The following SLC12A8 variants were observed in gnomAD, a reference collection of about 807,000 sequenced individuals.
The protein encoded by SLC12A8 is solute carrier family 12 member 8, also known as cation-chloride cotransporter 9.
In SLC12A8, 69 loss-of-function variants were observed where a neutral mutation model predicts 75.6. That is an observed-to-expected ratio of 0.91 (90% confidence interval 0.75 to 1.11). SLC12A8 has a LOEUF of 1.11. SLC12A8 is among the 50% of genes most tolerant of loss of function. The pLI is 0.00. For missense variants in SLC12A8, 877 were observed against 896.7 expected, an observed-to-expected ratio of 0.98 and a Z score of 0.28; for synonymous variants, 365 against 372.8, an observed-to-expected ratio of 0.98 and a Z score of 0.24.
At position 125,084,041 on chromosome 3, in the gene SLC12A8, G is replaced by C. The variant is rs200353603; in HGVS notation, c.1994C>G (p.Ser665Cys). The stretch of plus-strand genomic sequence containing the variant: ...CGCCAAGATGATCTGCTCCTGAGGG[G>C]ACCGCAAGCTCCTGCAGTGAGAGAG... Reference protein sequence around the residue: ...LLLPSCRSLRSPQEQIILAPS... With the variant: ...LLLPSCRSLRCPQEQIILAPS... The change falls in exon 14 of 14, where the codon TCC (serine) becomes TGC (cysteine). Residue 665 changes from serine (S) to cysteine (C), a missense_variant. Coordinates refer to ENST00000469902, the MANE Select transcript of SLC12A8 (RefSeq NM_024628.6). 1.4e-4 allele frequency: 231 copies of C among 1,611,384 alleles called. 2 individuals carry two copies. The Admixed American group carries it at 3.8e-3, about 26-fold the overall frequency.
intron 3 of SLC12A8, among the ~76,000 whole-genome samples, chr3:125,189,011 A>G (rs987039013): frequency 2.0e-5 from 3 of 152,238 alleles, no homozygotes; most frequent in Non-Finnish European, 4.4e-5. Context: ...TTATATGTCA[A>G]CTTGGCTAGA....
At chr3:125,119,907 A>C in intron 7 of SLC12A8, 1 of 456,670 alleles carries the variant, frequency 2.2e-6, no homozygotes, top group Non-Finnish European at 4.4e-6. Flanking sequence ...GTACAGAGAG[A>C]AACAATATTC....
Position 125,085,281 on chromosome 3 carries a change from G to A in SLC12A8, c.1983-1229C>T, listed in dbSNP as rs116126441. ...AAACCATTACATTCTTCTGAGTCTG[G>A]AGAAGTAAAATACTTCACTCTCTAG... On this transcript the variant is annotated intron_variant, in intron 13 of 13. Coordinates refer to ENST00000469902, the MANE Select transcript of SLC12A8 (RefSeq NM_024628.6). Among the ~76,000 whole-genome samples, 435 of 152,234 alleles carry A rather than the reference G, an allele frequency of 2.9e-3. 2 individuals carry two copies. The highest frequency in any genetic ancestry group is 1.0e-2 in the African/African-American group (415 of 41,538).
intron 4 of SLC12A8, among the ~76,000 whole-genome samples, chr3:125,178,509 A>G (rs1227265924): frequency 1.3e-5 from 2 of 152,212 alleles, no homozygotes; most frequent in Non-Finnish European, 2.9e-5. Flanking sequence ...AGGACTATCT[A>G]GGTGAATGTA....
chr3:125,183,048 C>T (rs753675640), intron 4 of SLC12A8, among the ~76,000 whole-genome samples: 2 of 152,048 alleles, frequency 1.3e-5, no homozygotes, highest in African/African-American at 2.4e-5. Context: ...CTTATGTTTA[C>T]GCAAAAACTA....
chr3:125,095,358 C>T (rs1338054222), intron 10 of SLC12A8, among the ~76,000 whole-genome samples: 1 of 152,198 alleles, frequency 6.6e-6, no homozygotes, highest in East Asian at 1.9e-4. Context: ...CTTTCTCTCA[C>T]ACCTATACTT....
intron 6 of SLC12A8, among the ~76,000 whole-genome samples, chr3:125,131,184 A>T (rs2107758125): frequency 6.6e-6 from 1 of 152,308 alleles, no homozygotes; most frequent in Non-Finnish European, 1.5e-5. Flanking sequence ...TGTGGGAGAC[A>T]AGAGGCAGAG....
At chr3:125,150,942 G>A (rs534491243) in intron 5 of SLC12A8, among the ~76,000 whole-genome samples, 286 of 152,112 alleles carry the variant, frequency 1.9e-3, no homozygotes, top group Non-Finnish European at 3.1e-3. Flanking sequence ...CCAGATTCCC[G>A]GGCCTCAGGC....
rs114618202 is a variant in SLC12A8 at position 125,183,181 on chromosome 3, C to T, written c.390+4056G>A. Among the ~76,000 whole-genome samples, 832 of 152,278 alleles carry T rather than the reference C, an allele frequency of 5.5e-3. 9 individuals are homozygous for T. The highest frequency in any genetic ancestry group is 0.019 in the African/African-American group (785 of 41,568). ...TAGAGCAATCCAGCCACCCCAGAGG[C>T]GGTACCCCTTCCAACCTGAATGCTG... is the stretch of plus-strand genomic sequence containing the variant. On this transcript the variant is annotated intron_variant, in intron 4 of 13. Coordinates refer to ENST00000469902, the MANE Select transcript of SLC12A8 (RefSeq NM_024628.6).
At chr3:125,110,614 T>G in intron 8 of SLC12A8, 2 of 248,320 alleles carry the variant, frequency 8.1e-6, no homozygotes, top group Non-Finnish European at 7.8e-6. Flanking sequence ...TCTGGGCCCC[T>G]CCTCAGAGTT....
intron 6 of SLC12A8, among the ~76,000 whole-genome samples, chr3:125,131,167 C>T (rs926669551): frequency 2.6e-5 from 4 of 152,184 alleles, no homozygotes; most frequent in African/African-American, 9.7e-5. Flanking sequence ...CCTATATTCT[C>T]TTGTCTTGTG....
At chr3:125,088,433 GT>G (rs1938514488) in intron 12 of SLC12A8, 63 bp from the exon 13 acceptor site, 9 of 1,445,226 alleles carry the variant, frequency 6.2e-6, no homozygotes, top group Admixed American at 1.7e-5. Context: ...TAGAAGCTCA[GT>G]TTTAATAGGG....
chr3:125,133,303 C>T (rs1933403825), intron 6 of SLC12A8, among the ~76,000 whole-genome samples: 1 of 151,838 alleles, frequency 6.6e-6, no homozygotes, highest in Non-Finnish European at 1.5e-5. Flanking sequence ...AAAAGCTTTG[C>T]TATATGAATA....
chr3:125,106,854 C>G (rs6808008), intron 10 of SLC12A8, among the ~76,000 whole-genome samples: 3 of 152,120 alleles, frequency 2.0e-5, no homozygotes, highest in Non-Finnish European at 4.4e-5. Context: ...GACACAAGGT[C>G]TTACTTGTAA....
At chr3:125,197,215 T>TG (rs1935024796) in intron 2 of SLC12A8, among the ~76,000 whole-genome samples, 1 of 152,202 alleles carries the variant, frequency 6.6e-6, no homozygotes, top group Admixed American at 6.5e-5. Context: ...AATTTGGCCC[T>TG]GAAAGTAAAT....
chr3:125,185,045 G>A (rs1934743518), intron 4 of SLC12A8, among the ~76,000 whole-genome samples: 1 of 152,222 alleles, frequency 6.6e-6, no homozygotes, highest in Admixed American at 6.5e-5. Flanking sequence ...TCATGGCCGA[G>A]CACAGTGGCT....
intron 13 of SLC12A8, among the ~76,000 whole-genome samples, chr3:125,084,254 GAC>G (rs67900370): frequency 5.9e-5 from 9 of 151,870 alleles, no homozygotes; most frequent in African/African-American, 9.7e-5. Context: ...AATAAAAAGA[GAC>G]AGAGAGAGTG....
intron 6 of SLC12A8, chr3:125,125,886 G>T (rs778187244): frequency 5.3e-4 from 518 of 972,630 alleles, no homozygotes; most frequent in Non-Finnish European, 5.8e-4. Context: ...CCACAAGAAG[G>T]CTGAGCTTAT....
At chr3:125,165,027 T>C (rs1015780832) in intron 5 of SLC12A8, among the ~76,000 whole-genome samples, 6 of 152,316 alleles carry the variant, frequency 3.9e-5, no homozygotes, top group African/African-American at 1.4e-4. Context: ...GCCAGGAAGG[T>C]GGCTGGAGAC....
Sources: gnomAD v4.1 joint callset for allele counts (sites outside exome capture counted in the v4.1 genomes callset) on GRCh38, gnomAD v4.1.1 for gene constraint, MANE v1.5 for transcripts, NCBI Gene and HGNC (gene_info 2026-07-23, HGNC 2026-07-21) for gene names.